Variants in EFNA1 observed in about 807,000 individuals in gnomAD.
EFNA1 encodes the protein ephrin-A1.
A neutral mutation model predicts 23.2 loss-of-function variants in EFNA1; 8 were observed. That is an observed-to-expected ratio of 0.34 (90% confidence interval 0.20 to 0.62). The LOEUF (loss-of-function observed/expected upper bound fraction) is 0.62. EFNA1 is among the 20% of genes least tolerant of loss of function. EFNA1 has a pLI of 0.75. For synonymous variants in EFNA1, 89 were observed against 98.6 expected (o/e 0.90, Z 0.58); for missense variants, 217 against 260.0 (o/e 0.83, Z 1.14).
At position 155,131,434 on chromosome 1, in the gene EFNA1, C is replaced by A; in HGVS notation, c.188C>A (p.Ala63Asp). Residue 63 changes from alanine to aspartate, a missense_variant, in exon 2 of 5, where the codon GCC becomes GAC. Transcript: ENST00000368407. ...GAAGATCACTCTGTGGCAGACGCTG[C>A]CATGGAGCAGTACATACTGTACCTG... ...HYEDHSVADA[A>D]MEQYILYLVE... is the part of the protein sequence containing the mutation. The A allele has an allele frequency of 6.2e-7, 1 of 1,614,120 alleles. No homozygotes were observed. Among genetic ancestry groups the A allele is most frequent in the Non-Finnish European group, 8.5e-7 (1 of 1,180,014 alleles).
In EFNA1 at chr1:155,127,888, C is replaced by G. The variant is rs1240568182; in HGVS notation, c.-90C>G. 2 of 1,027,552 alleles carry G rather than the reference C, an allele frequency of 1.9e-6. No homozygotes were observed. Among genetic ancestry groups the G allele is most frequent in the Non-Finnish European group, 2.9e-6 (2 of 700,086 alleles). 63.7% of individuals were successfully genotyped at this position (1,027,552 alleles called of 1,614,324 possible). A position where few individuals can be genotyped will look rare whatever the true frequency, so the allele number is the denominator to read the frequency against. On this transcript the variant is annotated 5_prime_UTR_variant, in exon 1 of 5. Transcript: ENST00000368407. This position sits in a 1 kb window ranked among gnomAD's most constrained non-coding sequence, Gnocchi z 4.4. ...AGGCGAAGGGGCCAGATCTGTGAGC[C>G]CAGCGCTGACTGCGCCGCGGAGAAA...
chr1:155,130,479 GGAGAGGGGGAGAGGAGGA>G (rs1664210959), intron 1 of EFNA1: 2 of 977,590 alleles, frequency 2.0e-6, no homozygotes, highest in Non-Finnish European at 2.4e-6. Context: ...GGAGAGGAGG[GGAGAGGGGGAGAGGAGGA>G]GAGAGGGGAG....
chr1:155,134,162 C>A lies in EFNA1; in HGVS notation c.*95C>A. The A allele has an allele frequency of 8.2e-7, 1 of 1,223,546 alleles. No individual in the cohort carries two copies. The highest frequency in any genetic ancestry group is 1.2e-6 in the Non-Finnish European group (1 of 855,330). The allele number at this position is 1,223,546 out of a possible 1,614,324, so 75.8% of individuals were successfully genotyped here. On this transcript the variant is annotated 3_prime_UTR_variant, in exon 5 of 5. Transcript: ENST00000368407. Reference sequence around the variant, plus strand: ...TGGGGCCACTTTCAGAGCCCCCAGCCCTGGGAACCACTCCCACCACAGGCA... The same window carrying A: ...TGGGGCCACTTTCAGAGCCCCCAGCACTGGGAACCACTCCCACCACAGGCA...
intron 4 of EFNA1, 74 bp downstream of exon 4, chr1:155,133,854 C>T (rs1664304494): frequency 5.0e-6 from 8 of 1,606,374 alleles, no homozygotes; most frequent in Non-Finnish European, 6.8e-6. Context: ...CAGGAGGTGG[C>T]TCCTTTACCA....
chr1:155,134,004 A>G lies in EFNA1; in HGVS notation c.555A>G (p.Pro185=). The change falls in exon 5 of 5, where the codon CCA becomes CCG. Residue 185 remains proline (P), a synonymous_variant. Transcript: ENST00000368407. ...VLHSIGHSAA[P]RLFPLAWTVL... ...ATAGCATCGGTCACAGTGCTGCCCC[A>G]CGCCTCTTCCCACTTGCCTGGACTG... 6.2e-7 allele frequency: 1 copy of G among 1,614,060 alleles called. No homozygotes were observed. Among genetic ancestry groups the G allele is most frequent in the Non-Finnish European group, 8.5e-7 (1 of 1,180,000 alleles).
intron 1 of EFNA1, 59 bp downstream of exon 1, chr1:155,128,128 A>G: frequency 6.7e-7 from 1 of 1,496,808 alleles, no homozygotes; most frequent in Non-Finnish European, 9.3e-7. Context: ...CCCCACCGGG[A>G]TAACTGTCCC....
Position 155,134,273 on chromosome 1 carries a change from C to A in EFNA1, c.*206C>A. ...CCAACCAGCCCGACAGTGCCATCCC[C>A]ACCTTCACCTCGGAGGGATGGAGAA... On this transcript the variant is annotated 3_prime_UTR_variant, in exon 5 of 5. Transcript: ENST00000368407. The A allele has an allele frequency of 1.7e-6, 1 of 593,766 alleles. No individual in the cohort carries two copies. Among genetic ancestry groups the A allele is most frequent in the Non-Finnish European group, 3.0e-6 (1 of 332,122 alleles). The allele number at this position is 593,766 out of a possible 1,614,324, so 36.8% of individuals were successfully genotyped here.
rs780550861 is a variant in EFNA1 at position 155,131,470 on chromosome 1, A to T, written c.224A>T (p.Glu75Val). 1.9e-5 allele frequency: 30 copies of T among 1,613,910 alleles called. No homozygotes were observed. Among genetic ancestry groups the T allele is most frequent in the Non-Finnish European group, 2.5e-5 (29 of 1,179,926 alleles). Residue 75 changes from glutamate to valine, a missense_variant, in exon 2 of 5, where the codon GAG becomes GTG. Coordinates refer to ENST00000368407, the MANE Select transcript of EFNA1 (RefSeq NM_004428.3). The part of the protein sequence containing the change: ...EQYILYLVEH[E>V]EYQLCQPQSK... ...TACATACTGTACCTGGTGGAGCATGAGGAGTACCAGCTGTGCCAGCCCCAG... is the reference window on the plus strand; with the variant it reads ...TACATACTGTACCTGGTGGAGCATGTGGAGTACCAGCTGTGCCAGCCCCAG...
In EFNA1 at chr1:155,128,065, C is replaced by T; in HGVS notation, c.88C>T (p.Pro30Ser). The change falls in exon 1 of 5, where the codon CCC becomes TCC. Residue 30 changes from proline (P) to serine (S), a missense_variant. Physicochemically the swap from Pro to Ser is moderately conservative, Grantham distance 74. Coordinates refer to ENST00000368407, the MANE Select transcript of EFNA1 (RefSeq NM_004428.3). The part of the protein sequence containing the change: ...RHTVFWNSSN[P>S]KFRNEDYTIH... Reference sequence around the variant, plus strand: ...CACCGTCTTCTGGAACAGTTCAAATCCCAAGTAAGCCTCGAGACTCCCGCT... The same window carrying T: ...CACCGTCTTCTGGAACAGTTCAAATTCCAAGTAAGCCTCGAGACTCCCGCT... The T allele has an allele frequency of 6.2e-7, 1 of 1,613,554 alleles. No individual in the cohort carries two copies. Among genetic ancestry groups the T allele is most frequent in the South Asian group, 1.1e-5 (1 of 91,072 alleles).
intron 2 of EFNA1, 121 bp downstream of exon 2, chr1:155,131,755 C>G: frequency 9.2e-7 from 1 of 1,089,972 alleles, no homozygotes. Context: ...ATTCTATTTT[C>G]ATTCATCTAC....
rs1557784743 is a variant in EFNA1, at chr1:155,128,067, C to G, written c.90C>G (p.Pro30=). ...CCGTCTTCTGGAACAGTTCAAATCC[C>G]AAGTAAGCCTCGAGACTCCCGCTGG... The part of the protein sequence containing the change: ...RHTVFWNSSN[P]KFRNEDYTIH... Residue 30 remains proline, a splice_region_variant and synonymous_variant, in exon 1 of 5, where the codon CCC becomes CCG. Coordinates refer to ENST00000368407, the MANE Select transcript of EFNA1 (RefSeq NM_004428.3). 6.2e-7 allele frequency: 1 copy of G among 1,613,612 alleles called. No homozygotes were observed. The highest frequency in any genetic ancestry group is 8.5e-7 in the Non-Finnish European group (1 of 1,179,908).
intron 2 of EFNA1, among the ~76,000 whole-genome samples, chr1:155,132,820 G>T (rs1664268472): frequency 6.6e-6 from 1 of 151,836 alleles, no homozygotes; most frequent in Admixed American, 6.6e-5. Context: ...GACAGAGGGA[G>T]ACTCCGTTTC....
At chr1:155,129,654 G>A (rs576053402) in intron 1 of EFNA1, 2 of 152,768 alleles carry the variant, frequency 1.3e-5, no homozygotes, top group East Asian at 1.9e-4. Context: ...TACAATGAAC[G>A]GGGTAGGTGA....
Position 155,134,258 on chromosome 1 carries a change from C to A in EFNA1, c.*191C>A. 1.7e-6 allele frequency: 1 copy of A among 605,776 alleles called. No homozygotes were observed. Among genetic ancestry groups the A allele is most frequent in the Non-Finnish European group, 2.9e-6 (1 of 339,642 alleles). The allele number at this position is 605,776 out of a possible 1,614,324, so 37.5% of individuals were successfully genotyped here. ...TCAACCGGAAGGAGGCCAACCAGCC[C>A]GACAGTGCCATCCCCACCTTCACCT... On this transcript the variant is annotated 3_prime_UTR_variant, in exon 5 of 5. Transcript: ENST00000368407.
Position 155,131,369 on chromosome 1 carries a change from G to A in EFNA1, c.123G>A (p.Val41=), listed in dbSNP as rs1350341471. Residue 41 remains valine, a synonymous_variant, in exon 2 of 5, where the codon GTG becomes GTA. Transcript: ENST00000368407. The part of the protein sequence containing the change: ...KFRNEDYTIH[V]QLNDYVDIIC... ...GGAATGAGGACTACACCATACATGT[G>A]CAGCTGAATGACTACGTGGACATCA... is the stretch of plus-strand genomic sequence containing the variant. 3 of 1,613,652 alleles carry A rather than the reference G, an allele frequency of 1.9e-6. No homozygotes were observed. The highest frequency in any genetic ancestry group is 1.3e-5 in the African/African-American group (1 of 74,892).
chr1:155,130,397 A>T (rs1664207194), intron 1 of EFNA1: 2 of 552,166 alleles, frequency 3.6e-6, no homozygotes, highest in Non-Finnish European at 4.6e-6. Flanking sequence ...GCTGGTGGGC[A>T]GTCAGGCTGG....
At chr1:155,133,871 G>A in intron 4 of EFNA1, 84 bp from the exon 5 acceptor site, 1 of 1,605,432 alleles carries the variant, frequency 6.2e-7, no homozygotes, top group Non-Finnish European at 8.5e-7. Flanking sequence ...ACCAGGCTGA[G>A]GCTGAGGGAA....
chr1:155,133,481 C>A, intron 2 of EFNA1, 22 bp from the exon 3 acceptor site: 1 of 1,614,034 alleles, frequency 6.2e-7, no homozygotes, highest in South Asian at 1.1e-5. Context: ...TCTTATTTAA[C>A]CCCTGTGGGC....
At chr1:155,129,542 CACACACGCACACCCT>C (rs1664178522) in intron 1 of EFNA1, 1 of 121,132 alleles carries the variant, frequency 8.3e-6, no homozygotes, top group African/African-American at 5.1e-5. Context: ...CACACACACA[CACACACGCACACCCT>C]ATCATACCCA....
Sources: allele counts gnomAD v4.1 joint callset (sites outside exome capture counted in the v4.1 genomes callset), GRCh38; gene constraint gnomAD v4.1.1; non-coding constraint Gnocchi (gnomAD v3.1); transcripts MANE v1.5; gene names NCBI Gene and HGNC (gene_info 2026-07-23, HGNC 2026-07-21).